TRAF3IP1: variants seen among roughly 807,000 people sequenced by gnomAD.
The protein encoded by TRAF3IP1 is intraflagellar transport 54, also known as TRAF3-interacting protein 1.
A neutral mutation model predicts 89.9 loss-of-function variants in TRAF3IP1; 53 were observed. The ratio of observed to expected loss-of-function variants is 0.59; its 90% CI spans 0.47 to 0.74. The LOEUF is 0.74. Among genes scored for constraint, TRAF3IP1 ranks in the 30% least tolerant of loss-of-function variants. TRAF3IP1 has a pLI of 0.00. For missense variants in TRAF3IP1, 806 were observed against 866.1 expected (o/e 0.93, Z 0.87); for synonymous variants, 311 against 322.1 (o/e 0.97, Z 0.37).
At chr2:238,366,438 A>C (rs893018326) in intron 15 of TRAF3IP1, among the ~76,000 whole-genome samples, 1 of 152,132 alleles carries the variant, frequency 6.6e-6, no homozygotes, top group Admixed American at 6.5e-5. Flanking sequence ...TGAGTTCTTT[A>C]CCTGAAAAAA....
In TRAF3IP1 at chr2:238,344,618, G is replaced by T. The variant is rs182265734; in HGVS notation, c.1261+20G>T. ...AGAAAGGTAAGAATGGTCCAGTTTCGCCCTTTCCTGGCGAGAGCAGAGTGA... is the reference window on the plus strand; with the variant it reads ...AGAAAGGTAAGAATGGTCCAGTTTCTCCCTTTCCTGGCGAGAGCAGAGTGA... On this transcript the variant is annotated intron_variant, in intron 9 of 16. Coordinates refer to ENST00000373327, the MANE Select transcript of TRAF3IP1 (RefSeq NM_015650.4). 6.2e-7 allele frequency: 1 copy of T among 1,607,042 alleles called. No homozygotes were observed. Among genetic ancestry groups the T allele is most frequent in the African/African-American group, 1.3e-5 (1 of 74,692 alleles).
intron 12 of TRAF3IP1, among the ~76,000 whole-genome samples, chr2:238,350,420 G>A: frequency 6.6e-6 from 1 of 152,222 alleles, no homozygotes; most frequent in Middle Eastern, 3.4e-3. Flanking sequence ...GTGATTTTCT[G>A]GTACTTATTT....
At chr2:238,344,687 G>A (rs765383420) in intron 9 of TRAF3IP1, 89 bp downstream of exon 9, 7 of 1,142,544 alleles carry the variant, frequency 6.1e-6, no homozygotes, top group African/African-American at 3.1e-5. Flanking sequence ...CCCAGAGCCC[G>A]AGGTTTTCCT....
At chr2:238,339,273 C>G (rs1311159918) in intron 8 of TRAF3IP1, among the ~76,000 whole-genome samples, 2 of 152,146 alleles carry the variant, frequency 1.3e-5, no homozygotes, top group African/African-American at 2.4e-5. Context: ...AGTAGGGTGA[C>G]TATATGGGAG....
intron 6 of TRAF3IP1, among the ~76,000 whole-genome samples, chr2:238,333,278 G>T (rs1462689399): frequency 6.6e-6 from 1 of 152,164 alleles, no homozygotes; most frequent in Non-Finnish European, 1.5e-5. Context: ...TCCAACCTCT[G>T]GTTGGCCTGT....
chr2:238,343,237 C>T (rs1203684828), intron 8 of TRAF3IP1, among the ~76,000 whole-genome samples: 1 of 152,166 alleles, frequency 6.6e-6, no homozygotes, highest in Non-Finnish European at 1.5e-5. Context: ...AGGCATGTGC[C>T]ACCACACCCG....
At chr2:238,371,677 A>G (rs989083801) in intron 15 of TRAF3IP1, among the ~76,000 whole-genome samples, 1 of 152,258 alleles carries the variant, frequency 6.6e-6, no homozygotes, top group Non-Finnish European at 1.5e-5. Flanking sequence ...CCCAACTGAA[A>G]TATATCCTAA....
intron 7 of TRAF3IP1, among the ~76,000 whole-genome samples, chr2:238,334,838 C>A (rs573979928): frequency 6.6e-6 from 1 of 152,334 alleles, no homozygotes; most frequent in South Asian, 2.1e-4. Flanking sequence ...TTTCCAGAAG[C>A]GCAGTGGCTG....
chr2:238,398,440 G>A (rs943052983), intron 16 of TRAF3IP1, among the ~76,000 whole-genome samples: 1 of 147,548 alleles, frequency 6.8e-6, no homozygotes, highest in East Asian at 2.1e-4. Flanking sequence ...GAACATAGGT[G>A]GGGGGTAGTG....
At chr2:238,355,233 C>T (rs527415785) in intron 14 of TRAF3IP1, among the ~76,000 whole-genome samples, 18 of 152,150 alleles carry the variant, frequency 1.2e-4, no homozygotes, top group Admixed American at 1.1e-3. Context: ...CTACCCTCTA[C>T]TCTCCCTGTC....
At chr2:238,325,467 C>A in intron 2 of TRAF3IP1, 93 bp downstream of exon 2, 1 of 1,297,880 alleles carries the variant, frequency 7.7e-7, no homozygotes, top group South Asian at 1.2e-5. Flanking sequence ...CATTTCTCTG[C>A]TGCATGTGGT....
At chr2:238,342,180 G>A (rs1033415871) in intron 8 of TRAF3IP1, among the ~76,000 whole-genome samples, 2 of 151,996 alleles carry the variant, frequency 1.3e-5, no homozygotes, top group African/African-American at 4.8e-5. Context: ...GTAGAGATGG[G>A]GTTTCACCAT....
In TRAF3IP1 at chr2:238,353,154, C is replaced by G. The variant is rs1280953592; in HGVS notation, c.1576-19C>G. The G allele has an allele frequency of 1.2e-6, 2 of 1,614,068 alleles. No individual in the cohort carries two copies. Among genetic ancestry groups the G allele is most frequent in the Admixed American group, 1.7e-5 (1 of 60,002 alleles). On this transcript the variant is annotated intron_variant, in intron 13 of 16. Transcript: ENST00000373327. ...CAACAAGCCTGAATCTTCTTTTTCCCCCTTCCTTTCCTGCTCAGGTAACAG... is the reference window on the plus strand; with the variant it reads ...CAACAAGCCTGAATCTTCTTTTTCCGCCTTCCTTTCCTGCTCAGGTAACAG...
Position 238,398,981 on chromosome 2 carries a change from A to G in TRAF3IP1, c.*62A>G. On this transcript the variant is annotated 3_prime_UTR_variant, in exon 17 of 17. Coordinates refer to ENST00000373327, the MANE Select transcript of TRAF3IP1 (RefSeq NM_015650.4). ...TTTAAAAGCAAAAAGGAAGATAGAA[A>G]ATCATTACTCTTTTAAGTTCCAGTT... 2 of 1,427,782 alleles carry G rather than the reference A, an allele frequency of 1.4e-6. No individual in the cohort carries two copies. Among genetic ancestry groups the G allele is most frequent in the Admixed American group, 2.3e-5 (1 of 43,990 alleles). The allele number at this position is 1,427,782 out of a possible 1,614,324, so 88.4% of individuals were successfully genotyped here. A position where few individuals can be genotyped will look rare whatever the true frequency, so the allele number is the denominator to read the frequency against.
intron 15 of TRAF3IP1, among the ~76,000 whole-genome samples, chr2:238,356,810 G>T (rs1167372393): frequency 2.7e-5 from 4 of 146,654 alleles, no homozygotes; most frequent in Non-Finnish European, 5.9e-5. Context: ...GTAGAGTCTC[G>T]CTCTGTCGCC....
intron 12 of TRAF3IP1, among the ~76,000 whole-genome samples, chr2:238,350,056 G>A (rs544018251): frequency 1.3e-5 from 2 of 152,106 alleles, no homozygotes; most frequent in Admixed American, 6.5e-5. Flanking sequence ...GGGCGACAGA[G>A]TGAGACTATC....
rs73090922 is a variant in TRAF3IP1, at chr2:238,344,072, A to G, written c.1160-425A>G. Among the ~76,000 whole-genome samples, 779 of 152,220 alleles carry G rather than the reference A, an allele frequency of 5.1e-3. 8 individuals are homozygous for G. Among genetic ancestry groups the G allele is most frequent in the African/African-American group, 0.018 (750 of 41,528 alleles). On this transcript the variant is annotated intron_variant, in intron 8 of 16. Coordinates refer to ENST00000373327, the MANE Select transcript of TRAF3IP1 (RefSeq NM_015650.4). Reference sequence around the variant, plus strand: ...TAGACAATATGTGGAAGTTTTCAATATGGCCAGGACTGTGCACTGTGTCCA... The same window carrying G: ...TAGACAATATGTGGAAGTTTTCAATGTGGCCAGGACTGTGCACTGTGTCCA...
intron 15 of TRAF3IP1, among the ~76,000 whole-genome samples, chr2:238,377,759 A>G (rs1281300946): frequency 6.6e-6 from 1 of 152,178 alleles, no homozygotes; most frequent in Non-Finnish European, 1.5e-5. Context: ...GAGATTGTAT[A>G]TGATTGGAAT....
intron 14 of TRAF3IP1, 114 bp from the exon 15 acceptor site, chr2:238,355,890 C>A: frequency 2.7e-6 from 2 of 737,578 alleles, no homozygotes; most frequent in Admixed American, 2.5e-5. Flanking sequence ...ACTGTTTCAG[C>A]ATAAAAAGAG....
Sources: gnomAD v4.1 joint callset for allele counts (sites outside exome capture counted in the v4.1 genomes callset) on GRCh38, gnomAD v4.1.1 for gene constraint, MANE v1.5 for transcripts, NCBI Gene and HGNC (gene_info 2026-07-23, HGNC 2026-07-21) for gene names.